Variants in COX6C observed in about 807,000 individuals in gnomAD.
COX6C encodes cytochrome c oxidase subunit 6C, also known as cytochrome c oxidase polypeptide VIc.
COX6C carries 3 observed loss-of-function variants against 6.9 expected under a neutral mutation model. That is an observed-to-expected ratio of 0.43 (90% CI 0.20 to 1.12). COX6C has a LOEUF of 1.12. Ranked by LOEUF, COX6C falls within the 50% of genes most tolerant of loss-of-function variation. The probability of loss-of-function intolerance (pLI) is 0.27; values close to 1 mark genes in which losing one functional copy is unlikely to be tolerated. For synonymous variants in COX6C, 32 were observed against 32.0 expected (o/e 1.00, Z 0.00); for missense variants, 101 against 97.3 (o/e 1.04, Z -0.16).
chr8:99,889,603 G>A (rs1400157915), intron 2 of COX6C, among the ~76,000 whole-genome samples: 2 of 151,282 alleles, frequency 1.3e-5, no homozygotes, highest in Non-Finnish European at 2.9e-5. Context: ...GGCCAGGCTG[G>A]TCTCGAACTC....
intron 2 of COX6C, among the ~76,000 whole-genome samples, chr8:99,889,162 A>G (rs2131009694): frequency 6.6e-6 from 1 of 152,266 alleles, no homozygotes; most frequent in Admixed American, 6.5e-5. Context: ...TGCCCACTAT[A>G]TATGCCAGGC....
At chr8:99,879,768 G>C (rs565084995) in intron 3 of COX6C, among the ~76,000 whole-genome samples, 31 of 152,168 alleles carry the variant, frequency 2.0e-4, no homozygotes, top group Non-Finnish European at 4.0e-4. Flanking sequence ...CAATGTTCTG[G>C]TTTGTGTGGA....
intron 2 of COX6C, among the ~76,000 whole-genome samples, chr8:99,889,522 A>T (rs951714117): frequency 2.0e-5 from 3 of 151,514 alleles, no homozygotes; most frequent in Non-Finnish European, 4.4e-5. Context: ...AGCAGCTGGG[A>T]TTACAGGTGC....
At position 99,887,499 on chromosome 8, in the gene COX6C, C is replaced by T; in HGVS notation, c.*6G>A. 1 of 1,563,376 alleles carries T rather than the reference C, an allele frequency of 6.4e-7. No individual in the cohort carries two copies. The highest frequency in any genetic ancestry group is 8.6e-7 in the Non-Finnish European group (1 of 1,157,282). ...CAAATAACCATATTACCTTTATATT[C>T]CAAGATTACTTTACACTCTGAAAGA... On this transcript the variant is annotated 3_prime_UTR_variant, in exon 3 of 4. Coordinates refer to ENST00000520468, the MANE Select transcript of COX6C (RefSeq NM_004374.4).
intron 3 of COX6C, chr8:99,878,849 G>A (rs1563525552): frequency 6.6e-6 from 1 of 151,930 alleles, no homozygotes. Context: ...AATACACATG[G>A]TACCCAACTT....
intron 3 of COX6C, among the ~76,000 whole-genome samples, chr8:99,883,209 G>A (rs1195601571): frequency 6.6e-6 from 1 of 151,982 alleles, no homozygotes; most frequent in Admixed American, 6.6e-5. Flanking sequence ...AGACCATATG[G>A]TGAATCCTAC....
At chr8:99,889,502 C>T (rs1485005708) in intron 2 of COX6C, among the ~76,000 whole-genome samples, 4 of 151,802 alleles carry the variant, frequency 2.6e-5, no homozygotes, top group African/African-American at 4.8e-5. Context: ...TCTCCTGCCT[C>T]AGCCTGCCGA....
intron 2 of COX6C, among the ~76,000 whole-genome samples, chr8:99,889,972 T>C (rs1476228335): frequency 6.6e-6 from 1 of 151,772 alleles, no homozygotes; most frequent in East Asian, 2.0e-4. Context: ...CGGACGCCTG[T>C]AGTCCCAGCT....
At chr8:99,880,531 G>C (rs180809617) in intron 3 of COX6C, among the ~76,000 whole-genome samples, 44 of 152,224 alleles carry the variant, frequency 2.9e-4, no homozygotes, top group African/African-American at 9.9e-4. Context: ...AGCAGACTCA[G>C]GCAGAGGAAA....
chr8:99,879,719 C>T (rs1261243330), intron 3 of COX6C, among the ~76,000 whole-genome samples: 1 of 152,220 alleles, frequency 6.6e-6, no homozygotes, highest in Non-Finnish European at 1.5e-5. Context: ...TACCCTGGCT[C>T]TTCCCTCAGG....
intron 3 of COX6C, among the ~76,000 whole-genome samples, chr8:99,881,962 T>G (rs905725631): frequency 6.6e-6 from 1 of 152,114 alleles, no homozygotes; most frequent in Admixed American, 6.5e-5. Flanking sequence ...TCAGACAAAA[T>G]AGACCAAGTC....
intron 3 of COX6C, among the ~76,000 whole-genome samples, chr8:99,882,563 G>A (rs1485613575): frequency 7.0e-6 from 1 of 142,162 alleles, no homozygotes; most frequent in Non-Finnish European, 1.5e-5. Context: ...AAATGTAGCT[G>A]AATAATATTA....
chr8:99,890,959 T>C (rs565824870), intron 2 of COX6C, among the ~76,000 whole-genome samples: 23 of 152,336 alleles, frequency 1.5e-4, no homozygotes, highest in African/African-American at 4.3e-4. Context: ...ATATAAACTA[T>C]TGACATAGCA....
chr8:99,881,928 G>A (rs1187837260), intron 3 of COX6C, among the ~76,000 whole-genome samples: 1 of 152,174 alleles, frequency 6.6e-6, no homozygotes, highest in Non-Finnish European at 1.5e-5. Flanking sequence ...CAGCAACCAG[G>A]AGAACAGGGG....
At chr8:99,885,706 A>AT (rs1308103381) in intron 3 of COX6C, among the ~76,000 whole-genome samples, 3 of 152,232 alleles carry the variant, frequency 2.0e-5, no homozygotes, top group African/African-American at 7.2e-5. Context: ...AACACATAAA[A>AT]AAGACTTCAT....
At chr8:99,892,297 A>C (rs1818067253) in intron 1 of COX6C, among the ~76,000 whole-genome samples, 1 of 152,200 alleles carries the variant, frequency 6.6e-6, no homozygotes, top group South Asian at 2.1e-4. Flanking sequence ...ATTCCGGCCT[A>C]CAAGTGAGTT....
intron 2 of COX6C, among the ~76,000 whole-genome samples, chr8:99,891,642 A>C (rs986285458): frequency 2.6e-5 from 4 of 152,190 alleles, no homozygotes; most frequent in African/African-American, 9.7e-5. Context: ...GAGGCCTCAG[A>C]AGATATCAAC....
chr8:99,887,964 G>A (rs955834238), intron 2 of COX6C, among the ~76,000 whole-genome samples: 1 of 151,418 alleles, frequency 6.6e-6, no homozygotes, highest in Admixed American at 6.6e-5. Context: ...ATGGGGTCTC[G>A]CCTGTAGTCC....
At chr8:99,878,485 A>AT (rs1418319922) in intron 3 of COX6C, 3 of 152,064 alleles carry the variant, frequency 2.0e-5, no homozygotes, top group Non-Finnish European at 4.4e-5. Context: ...CCTCTTTTCC[A>AT]TTTTGGGCAT....
Sources: allele counts gnomAD v4.1 joint callset (sites outside exome capture counted in the v4.1 genomes callset), GRCh38; gene constraint gnomAD v4.1.1; transcripts MANE v1.5; gene names NCBI Gene and HGNC (gene_info 2026-07-23, HGNC 2026-07-21).